Variants in KIAA0753 observed in about 807,000 individuals in gnomAD.
KIAA0753 encodes protein moonraker.
KIAA0753 carries 114 observed loss-of-function variants against 116.9 expected under a neutral mutation model. The observed-to-expected ratio is 0.98, with a 90% CI of 0.84 to 1.14. The LOEUF is 1.14. Among genes scored for constraint, KIAA0753 ranks in the 50% most tolerant of loss-of-function variants. The pLI is 0.00. For missense variants in KIAA0753, 1,156 were observed against 1,172.4 expected, an observed-to-expected ratio of 0.99 and a Z score of 0.20; for synonymous variants, 405 against 413.1, an observed-to-expected ratio of 0.98 and a Z score of 0.24.
rs200974128 is a variant in KIAA0753 at position 6,590,490 on chromosome 17, A to G, written c.2561+20T>C. The stretch of plus-strand genomic sequence containing the variant: ...AGGTGACTGACTAGAATGAAATCAG[A>G]AAGTGTCTTTGCCACTTACTTGCCA... On this transcript the variant is annotated intron_variant, in intron 17 of 18. Coordinates refer to ENST00000361413, the MANE Select transcript of KIAA0753 (RefSeq NM_014804.3). 3.7e-5 allele frequency: 60 copies of G among 1,613,138 alleles called. No homozygotes were observed. The East Asian group carries it at 4.0e-4, about 11-fold the overall frequency.
At chr17:6,636,555 T>A (rs929422868) in intron 1 of KIAA0753, 3 of 152,142 alleles carry the variant, frequency 2.0e-5, no homozygotes, top group African/African-American at 7.3e-5. Flanking sequence ...CCCTAAACTG[T>A]CCCCCTGTAC....
intron 16 of KIAA0753, among the ~76,000 whole-genome samples, chr17:6,594,402 G>A (rs1187586781): frequency 6.6e-6 from 1 of 152,060 alleles, no homozygotes; most frequent in African/African-American, 2.4e-5. Flanking sequence ...CAGATTTAAT[G>A]TATTTATGAC....
chr17:6,606,835 C>CA (rs1394617104), intron 12 of KIAA0753, 38 bp downstream of exon 12: 26 of 1,551,620 alleles, frequency 1.7e-5, no homozygotes, highest in African/African-American at 2.7e-5. Flanking sequence ...TTAGAACAGG[C>CA]AAACATCCAC....
chr17:6,607,688 T>G (rs757976224), intron 10 of KIAA0753, among the ~76,000 whole-genome samples: 3 of 152,248 alleles, frequency 2.0e-5, no homozygotes, highest in Non-Finnish European at 2.9e-5. Context: ...GCTTTGATTC[T>G]TTTGGTTTAG....
chr17:6,630,198 T>A (rs1030541424), intron 2 of KIAA0753, among the ~76,000 whole-genome samples: 1 of 151,882 alleles, frequency 6.6e-6, no homozygotes, highest in Non-Finnish European at 1.5e-5. Context: ...GAAAAACATA[T>A]GACCAATTTA....
At chr17:6,597,469 A>G (rs1969561954) in intron 14 of KIAA0753, among the ~76,000 whole-genome samples, 1 of 152,190 alleles carries the variant, frequency 6.6e-6, no homozygotes, top group Non-Finnish European at 1.5e-5. Flanking sequence ...ATGATACAGA[A>G]AGAGCACAAA....
chr17:6,621,026 T>G, intron 6 of KIAA0753, 28 bp from the exon 7 acceptor site: 5 of 1,603,258 alleles, frequency 3.1e-6, no homozygotes, highest in East Asian at 2.2e-5. Flanking sequence ...AATTATTCTC[T>G]TAGTTTATCT....
At chr17:6,591,051 AAGAAGAAG>A (rs1003364117) in intron 16 of KIAA0753, among the ~76,000 whole-genome samples, 3 of 47,160 alleles carry the variant, frequency 6.4e-5, no homozygotes, top group Non-Finnish European at 1.3e-4. Flanking sequence ...GAAGAAGAAG[AAGAAGAAG>A]AAGAAGAAGA....
chr17:6,627,309 T>C (rs1971731086), intron 3 of KIAA0753, among the ~76,000 whole-genome samples: 1 of 152,196 alleles, frequency 6.6e-6, no homozygotes, highest in Non-Finnish European at 1.5e-5. Context: ...TCTTATTCAA[T>C]CACAGGTATT....
At chr17:6,591,058 AG>A (rs1969003173) in intron 16 of KIAA0753, among the ~76,000 whole-genome samples, 1 of 43,534 alleles carries the variant, frequency 2.3e-5, no homozygotes, top group Non-Finnish European at 5.2e-5. Context: ...AAGAAGAAGA[AG>A]AAGAAGAAGA....
At chr17:6,581,793 G>A (rs1428724507) in intron 18 of KIAA0753, among the ~76,000 whole-genome samples, 5 of 152,292 alleles carry the variant, frequency 3.3e-5, no homozygotes. Flanking sequence ...TGGCCCGTAG[G>A]TGCCTCTTGG....
intron 13 of KIAA0753, among the ~76,000 whole-genome samples, chr17:6,600,105 A>T (rs1189068104): frequency 6.6e-6 from 1 of 152,224 alleles, no homozygotes; most frequent in East Asian, 1.9e-4. Context: ...CTTCACCAAC[A>T]GATCTATTTC....
In KIAA0753 at chr17:6,589,765, A is replaced by C; in HGVS notation, c.2786+14T>G. ...ATTTGGTTCCTAAACAGAGGACCGTAACATTTTACTGACCTTTCAGCTATC... is the reference window on the plus strand; with the variant it reads ...ATTTGGTTCCTAAACAGAGGACCGTCACATTTTACTGACCTTTCAGCTATC... On this transcript the variant is annotated intron_variant, in intron 18 of 18. Transcript: ENST00000361413. 2.5e-6 allele frequency: 4 copies of C among 1,583,790 alleles called. No individual in the cohort carries two copies. The highest frequency in any genetic ancestry group is 3.4e-6 in the Non-Finnish European group (4 of 1,168,636).
chr17:6,623,016 G>C lies in KIAA0753; in HGVS notation c.970C>G (p.Arg324Gly), dbSNP rs746068882. The change falls in exon 6 of 19, where the codon CGA (arginine) becomes GGA (glycine). Residue 324 changes from arginine to glycine, a missense_variant. Arg to Gly is a moderately radical substitution (Grantham distance 125). Coordinates refer to ENST00000361413, the MANE Select transcript of KIAA0753 (RefSeq NM_014804.3). The stretch of plus-strand genomic sequence containing the variant: ...CGAGCAGGAAGTGGATGCTCCCCTC[G>C]GTCAGTAAACTGAGTGACAAACATC... Reference protein sequence around the residue: ...LQMFVTQFTDRGEHPLPARCK... With the variant: ...LQMFVTQFTDGGEHPLPARCK... 3.9e-5 allele frequency: 63 copies of C among 1,614,104 alleles called. No individual in the cohort carries two copies. In the South Asian group the frequency reaches 5.9e-4, roughly 15 times the overall value.
chr17:6,635,079 T>C lies in KIAA0753; in HGVS notation c.25A>G (p.Thr9Ala), dbSNP rs61753437. The C allele has an allele frequency of 2.5e-5, 40 of 1,613,814 alleles. No homozygotes were observed. The highest frequency in any genetic ancestry group is 6.7e-5 in the African/African-American group (5 of 74,904). Residue 9 changes from threonine (T) to alanine (A), a missense_variant, in exon 2 of 19, where the codon ACC becomes GCC. Coordinates refer to ENST00000361413, the MANE Select transcript of KIAA0753 (RefSeq NM_014804.3). ...GTCCTAGGTGCTAGATGAACACAGG[T>C]TGAAGCTGGCTGGCCTGGTCCCATA... is the stretch of plus-strand genomic sequence containing the variant. MGPGQPAS[T>A]CVHLAPRTQL...
At chr17:6,594,909 T>C in intron 16 of KIAA0753, 63 bp downstream of exon 16, 5 of 1,317,504 alleles carry the variant, frequency 3.8e-6, no homozygotes, top group East Asian at 2.3e-5. Context: ...TTTTTTCAAT[T>C]TTCTGTATGT....
At chr17:6,608,507 G>A (rs202033039) in intron 9 of KIAA0753, 43 bp from the exon 10 acceptor site, 124 of 1,127,148 alleles carry the variant, frequency 1.1e-4, no homozygotes, top group African/African-American at 8.9e-4. Flanking sequence ...CATTCACTCC[G>A]TATCCAATGA....
At chr17:6,591,935 G>A (rs1334317094) in intron 16 of KIAA0753, among the ~76,000 whole-genome samples, 1 of 152,260 alleles carries the variant, frequency 6.6e-6, no homozygotes, top group Non-Finnish European at 1.5e-5. Flanking sequence ...TGGCTTAGTT[G>A]AGAGAGATGA....
At chr17:6,581,811 T>C (rs1968200263) in intron 18 of KIAA0753, among the ~76,000 whole-genome samples, 1 of 152,268 alleles carries the variant, frequency 6.6e-6, no homozygotes, top group African/African-American at 2.4e-5. Flanking sequence ...TGGGAACTCC[T>C]GTGAACTCTC....
Sources: gnomAD v4.1 joint callset for allele counts (sites outside exome capture counted in the v4.1 genomes callset) on GRCh38, gnomAD v4.1.1 for gene constraint, MANE v1.5 for transcripts, NCBI Gene and HGNC (gene_info 2026-07-23, HGNC 2026-07-21) for gene names.